SPTBN1: variants seen among roughly 807,000 people sequenced by gnomAD.
The protein encoded by SPTBN1 is spectrin beta chain, non-erythrocytic 1.
SPTBN1 carries 32 observed loss-of-function variants against 266.4 expected under a neutral mutation model. That is an observed-to-expected ratio of 0.12 (90% CI 0.09 to 0.16). The LOEUF (loss-of-function observed/expected upper bound fraction) is 0.16. SPTBN1 is among the 10% of genes least tolerant of loss of function. The pLI is 1.00. For synonymous variants in SPTBN1, 1,336 were observed against 1,162.2 expected (o/e 1.15, Z -3.04); for missense variants, 2,296 against 3,067.1 (o/e 0.75, Z 5.94).
At chr2:54,575,721 C>T (rs1444118153) in intron 2 of SPTBN1, among the ~76,000 whole-genome samples, 2 of 152,200 alleles carry the variant, frequency 1.3e-5, no homozygotes, top group East Asian at 3.8e-4. Flanking sequence ...TGTTATGATG[C>T]AATTAAGCAG....
chr2:54,621,546 AT>A, intron 8 of SPTBN1, 34 bp downstream of exon 8: 1 of 1,559,898 alleles, frequency 6.4e-7, no homozygotes, highest in Non-Finnish European at 8.8e-7. Flanking sequence ...GTTGTGAGAC[AT>A]AATTAAGGTT....
chr2:54,574,361 C>A (rs547525532), intron 2 of SPTBN1, among the ~76,000 whole-genome samples: 2 of 152,136 alleles, frequency 1.3e-5, no homozygotes, highest in East Asian at 3.9e-4. Flanking sequence ...ACTGCTTCTC[C>A]GAGATAGTTA....
chr2:54,562,537 T>TTTTC (rs1337934243), intron 2 of SPTBN1, among the ~76,000 whole-genome samples: 1 of 146,498 alleles, frequency 6.8e-6, no homozygotes, highest in East Asian at 1.9e-4. Flanking sequence ...CTTTTTCTTT[T>TTTTC]TTTTTTTTGA....
chr2:54,526,679 T>A, intron 2 of SPTBN1, 113 bp downstream of exon 2: 1 of 1,293,094 alleles, frequency 7.7e-7, no homozygotes, highest in Non-Finnish European at 1.0e-6. Context: ...GTCTCACTTC[T>A]ATTTAAATGT....
chr2:54,554,546 A>G lies in SPTBN1; in HGVS notation c.148+27980A>G, dbSNP rs1202994836. ...CAGGGTGAACCCAAATCACTAATAC[A>G]TTTAATACTAAACATTCCAGAAGGA... On this transcript the variant is annotated intron_variant, in intron 2 of 35. Transcript: ENST00000356805. This position sits in a 1 kb window ranked among gnomAD's most constrained non-coding sequence, Gnocchi z 4.5. Among the ~76,000 whole-genome samples the G allele has an allele frequency of 6.6e-6, 1 of 152,220 alleles. No individual in the cohort carries two copies. Among genetic ancestry groups the G allele is most frequent in the Admixed American group, 6.5e-5 (1 of 15,274 alleles).
chr2:54,588,543 C>T (rs936847356), intron 2 of SPTBN1, among the ~76,000 whole-genome samples: 2 of 152,114 alleles, frequency 1.3e-5, no homozygotes, highest in African/African-American at 2.4e-5. Context: ...AGCATGCCCT[C>T]GGGGGGATCC....
chr2:54,646,140 C>A lies in SPTBN1; in HGVS notation c.4585-54C>A. 6.3e-7 allele frequency: 1 copy of A among 1,592,684 alleles called. No homozygotes were observed. The highest frequency in any genetic ancestry group is 1.1e-5 in the South Asian group (1 of 87,986). On this transcript the variant is annotated intron_variant, in intron 22 of 35. Coordinates refer to ENST00000356805, the MANE Select transcript of SPTBN1 (RefSeq NM_003128.3). The surrounding 1 kb of genome is among the most constrained non-coding windows in gnomAD (Gnocchi z 4.4). ...TCTGGCCCTAACAGCTTGACATAAGCAGCAGACGGCTGCCATTTAGCAAGC... is the reference window on the plus strand; with the variant it reads ...TCTGGCCCTAACAGCTTGACATAAGAAGCAGACGGCTGCCATTTAGCAAGC...
intron 2 of SPTBN1, among the ~76,000 whole-genome samples, chr2:54,575,938 G>A (rs1674431951): frequency 6.6e-6 from 1 of 152,088 alleles, no homozygotes; most frequent in South Asian, 2.1e-4. Flanking sequence ...ATGGTTGGAT[G>A]AGTGGTTAAA....
chr2:54,611,061 G>A (rs1677175204), intron 3 of SPTBN1, among the ~76,000 whole-genome samples: 1 of 150,704 alleles, frequency 6.6e-6, no homozygotes, highest in South Asian at 2.1e-4. Context: ...TGCTCAAATG[G>A]TGCCATTACA....
intron 1 of SPTBN1, among the ~76,000 whole-genome samples, chr2:54,518,108 A>G (rs1242533029): frequency 6.6e-6 from 1 of 152,094 alleles, no homozygotes; most frequent in African/African-American, 2.4e-5. Flanking sequence ...CTTTATATTT[A>G]TGAGCAGAGA....
chr2:54,487,115 T>A (rs866973501), intron 1 of SPTBN1, among the ~76,000 whole-genome samples: 29 of 152,156 alleles, frequency 1.9e-4, no homozygotes, highest in African/African-American at 6.7e-4. Flanking sequence ...GTTTATATTG[T>A]TCATGTATAA....
chr2:54,496,814 T>A (rs1668994173), intron 1 of SPTBN1, among the ~76,000 whole-genome samples: 1 of 152,218 alleles, frequency 6.6e-6, no homozygotes, highest in African/African-American at 2.4e-5. Context: ...GGAGGGTCCA[T>A]TTCTGTAGAG....
At chr2:54,516,356 CA>C (rs1185839864) in intron 1 of SPTBN1, 2 of 152,146 alleles carry the variant, frequency 1.3e-5, no homozygotes, top group Non-Finnish European at 2.9e-5. Flanking sequence ...GCCATCCTCC[CA>C]AAATGTAATT....
chr2:54,526,275 C>A, intron 1 of SPTBN1, 97 bp from the exon 2 acceptor site: 1 of 959,296 alleles, frequency 1.0e-6, no homozygotes, highest in Non-Finnish European at 1.5e-6. Flanking sequence ...TCTTGGCAAG[C>A]ACTGTTTTTA....
At chr2:54,505,026 C>A (rs1454684982) in intron 1 of SPTBN1, among the ~76,000 whole-genome samples, 1 of 152,124 alleles carries the variant, frequency 6.6e-6, no homozygotes, top group East Asian at 1.9e-4. Flanking sequence ...TATGACAACA[C>A]CCCAAACAAA....
chr2:54,484,806 G>A (rs1441150041), intron 1 of SPTBN1, among the ~76,000 whole-genome samples: 4 of 152,188 alleles, frequency 2.6e-5, no homozygotes, highest in Non-Finnish European at 5.9e-5. Context: ...GCGCAATGTG[G>A]CTCATTCCAG....
chr2:54,490,281 A>G (rs1573258511), intron 1 of SPTBN1, among the ~76,000 whole-genome samples: 1 of 152,114 alleles, frequency 6.6e-6, no homozygotes, highest in Non-Finnish European at 1.5e-5. Flanking sequence ...CATGTTGGCC[A>G]GGCTGGTCTT....
At chr2:54,470,419 C>A (rs1220139472) in intron 1 of SPTBN1, among the ~76,000 whole-genome samples, 2 of 152,192 alleles carry the variant, frequency 1.3e-5, no homozygotes, top group Non-Finnish European at 2.9e-5. Flanking sequence ...TTCTCAGTCT[C>A]CTCAACTTTT....
Position 54,629,559 on chromosome 2 carries a change from G to A in SPTBN1, c.2425G>A (p.Ala809Thr), listed in dbSNP as rs530090042. The part of the protein sequence containing the change: ...TLDTLHEQAS[A>T]LPQEHAESPD... ...TGACACGCTGCACGAACAAGCCAGC[G>A]CCCTCCCCCAGGAGCATGCCGAGTC... The change falls in exon 14 of 36, where the codon GCC becomes ACC. Residue 809 changes from alanine to threonine, a missense_variant. Around this residue, in one of 12 missense-constraint regions of SPTBN1, gnomAD observed 434 missense variants for 573.9 expected, o/e 0.76. Coordinates refer to ENST00000356805, the MANE Select transcript of SPTBN1 (RefSeq NM_003128.3). 6.8e-6 allele frequency: 11 copies of A among 1,614,108 alleles called. No individual in the cohort carries two copies. Among genetic ancestry groups the A allele is most frequent in the South Asian group, 3.3e-5 (3 of 91,084 alleles).
Sources: allele counts gnomAD v4.1 joint callset (sites outside exome capture counted in the v4.1 genomes callset), GRCh38; gene constraint gnomAD v4.1.1; regional missense constraint gnomAD v4.1.1; non-coding constraint Gnocchi (gnomAD v3.1); transcripts MANE v1.5; gene names NCBI Gene and HGNC (gene_info 2026-07-23, HGNC 2026-07-21).